Variants in ELK3 observed in about 807,000 individuals in gnomAD.
The protein encoded by ELK3 is ETS transcription factor ELK3, also known as ETS domain-containing protein Elk-3.
In ELK3, 10 loss-of-function variants were observed where a neutral mutation model predicts 28.9. That is an observed-to-expected ratio of 0.35 (90% confidence interval 0.21 to 0.59). ELK3 has a LOEUF of 0.59. Among genes scored for constraint, ELK3 ranks in the 20% least tolerant of loss-of-function variants. The pLI, the probability that ELK3 is intolerant of heterozygous loss-of-function variation, is 0.82. For synonymous variants in ELK3, 272 were observed against 243.5 expected (o/e 1.12, Z -1.09); for missense variants, 463 against 517.3 (o/e 0.90, Z 1.02).
At chr12:96,259,502 C>T (rs142998346) in intron 3 of ELK3, among the ~76,000 whole-genome samples, 1,884 of 152,240 alleles carry the variant, frequency 0.012, 24 homozygotes, top group Non-Finnish European at 0.021. Flanking sequence ...ACCAAGATCG[C>T]GCCATTGCAC....
At chr12:96,228,416 C>CAAAAAAAAAAAAAAAAAA (rs71091236) in intron 2 of ELK3, among the ~76,000 whole-genome samples, 1 of 68,296 alleles carries the variant, frequency 1.5e-5, no homozygotes, top group African/African-American at 5.9e-5. Context: ...GACTCTGTGT[C>CAAAAAAAAAAAAAAAAAA]AAAAAAAAAA....
chr12:96,208,149 C>T (rs1033944397), intron 1 of ELK3, among the ~76,000 whole-genome samples: 3 of 152,026 alleles, frequency 2.0e-5, no homozygotes, highest in African/African-American at 7.2e-5. Context: ...CCTCCCAGCT[C>T]CTAGCGATTC....
At chr12:96,197,917 G>A (rs1951483077) in intron 1 of ELK3, 1 of 152,120 alleles carries the variant, frequency 6.6e-6, no homozygotes, top group Non-Finnish European at 1.5e-5. Flanking sequence ...GGTTTTAAAG[G>A]ACTTCCAGGC....
intron 1 of ELK3, 96 bp from the exon 2 acceptor site, chr12:96,223,469 G>A: frequency 8.6e-7 from 1 of 1,158,402 alleles, no homozygotes; most frequent in Non-Finnish European, 1.3e-6. Flanking sequence ...GGAAGGAGGG[G>A]ACAGCTGAGT....
intron 4 of ELK3, among the ~76,000 whole-genome samples, chr12:96,265,317 G>A (rs1265018914): frequency 2.6e-5 from 4 of 152,100 alleles, no homozygotes; most frequent in Non-Finnish European, 5.9e-5. Flanking sequence ...CAAAACAGAT[G>A]AATACCAAAA....
At chr12:96,216,125 A>G (rs1225961004) in intron 1 of ELK3, among the ~76,000 whole-genome samples, 4 of 152,106 alleles carry the variant, frequency 2.6e-5, no homozygotes, top group African/African-American at 2.4e-5. Context: ...GTAGGGCCCC[A>G]TCTGCAGCGG....
intron 2 of ELK3, among the ~76,000 whole-genome samples, chr12:96,232,026 C>T (rs557478401): frequency 1.3e-5 from 2 of 152,234 alleles, no homozygotes; most frequent in East Asian, 3.9e-4. Context: ...GAGGGAAGGC[C>T]TCCGGAGGTC....
chr12:96,248,759 TC>T (rs1311587462), intron 3 of ELK3, among the ~76,000 whole-genome samples: 10 of 152,138 alleles, frequency 6.6e-5, no homozygotes, highest in Admixed American at 6.5e-5. Context: ...TATGACGGGC[TC>T]CCCACGTGTG....
intron 2 of ELK3, among the ~76,000 whole-genome samples, chr12:96,231,882 T>G (rs1951744481): frequency 1.3e-5 from 2 of 152,046 alleles, no homozygotes; most frequent in African/African-American, 4.8e-5. Context: ...GAAACATACC[T>G]CCTTCCTCCT....
chr12:96,227,202 C>T (rs891138115), intron 2 of ELK3, among the ~76,000 whole-genome samples: 4 of 151,976 alleles, frequency 2.6e-5, no homozygotes, highest in African/African-American at 7.3e-5. Context: ...GTGTCACGTA[C>T]AGCTCGGCCT....
In ELK3 at chr12:96,215,130, C is replaced by T. The variant is rs184137017; in HGVS notation, c.-2-8435C>T. On this transcript the variant is annotated intron_variant, in intron 1 of 4. Coordinates refer to ENST00000228741, the MANE Select transcript of ELK3 (RefSeq NM_005230.4). ...CCTTTTTTTTTTTTTTAAGTTGCCT[C>T]GTTTCTTATTTCCCACCACATAGAA... is the stretch of plus-strand genomic sequence containing the variant. 4.5e-3 allele frequency among the ~76,000 whole-genome samples: 676 copies of T among 148,640 alleles called. 6 individuals are homozygous for T. The highest frequency in any genetic ancestry group is 0.014 in the African/African-American group (547 of 40,232).
chr12:96,237,415 G>GCC (rs11462378), intron 2 of ELK3, among the ~76,000 whole-genome samples: 8 of 151,994 alleles, frequency 5.3e-5, no homozygotes, highest in Non-Finnish European at 8.8e-5. Context: ...AGGTGAGCCT[G>GCC]CCCCCCAGAC....
intron 4 of ELK3, among the ~76,000 whole-genome samples, chr12:96,266,395 CAACT>C (rs1479820662): frequency 2.0e-5 from 3 of 152,106 alleles, no homozygotes; most frequent in Admixed American, 2.0e-4. Context: ...GTTGGGATTG[CAACT>C]AACATATTTG....
intron 1 of ELK3, among the ~76,000 whole-genome samples, chr12:96,197,801 T>C (rs1951482079): frequency 6.6e-6 from 1 of 152,332 alleles, no homozygotes; most frequent in East Asian, 1.9e-4. Flanking sequence ...ATATAAAAAA[T>C]TAAATAAGTC....
intron 2 of ELK3, among the ~76,000 whole-genome samples, chr12:96,245,424 G>GT (rs1412103233): frequency 1.3e-5 from 2 of 152,142 alleles, no homozygotes; most frequent in Non-Finnish European, 2.9e-5. Flanking sequence ...CTGGGATCTT[G>GT]TTTGTGTCAG....
At position 96,267,207 on chromosome 12, in the gene ELK3, A is replaced by G. The variant is rs75958097; in HGVS notation, c.*27A>G. The G allele has an allele frequency of 0.018, 29,191 of 1,594,728 alleles. 346 individuals carry two copies. Among genetic ancestry groups the G allele is most frequent in the Non-Finnish European group, 0.022 (25,798 of 1,169,118 alleles). On this transcript the variant is annotated 3_prime_UTR_variant, in exon 5 of 5. Coordinates refer to ENST00000228741, the MANE Select transcript of ELK3 (RefSeq NM_005230.4). ...GACGTCTGGCCACAATTAAGGACTC[A>G]TTAACTGATGAAACAAATTTGTCCC...
chr12:96,200,209 T>C (rs1177190714), intron 1 of ELK3, among the ~76,000 whole-genome samples: 1 of 152,186 alleles, frequency 6.6e-6, no homozygotes, highest in Non-Finnish European at 1.5e-5. Context: ...ATCCATTATC[T>C]TCCTTCTAGT....
chr12:96,210,597 A>ACCCCCCCCC (rs1555193042), intron 1 of ELK3, among the ~76,000 whole-genome samples: 22 of 149,058 alleles, frequency 1.5e-4, no homozygotes, highest in Non-Finnish European at 2.4e-4. Flanking sequence ...ACACACACAC[A>ACCCCCCCCC]CCCCGAGTGG....
intron 2 of ELK3, among the ~76,000 whole-genome samples, chr12:96,246,481 G>A (rs1951856078): frequency 6.6e-6 from 1 of 152,140 alleles, no homozygotes; most frequent in Non-Finnish European, 1.5e-5. Flanking sequence ...CAAGTGAGAT[G>A]CTGTCTCCAC....
Sources: allele counts gnomAD v4.1 joint callset (sites outside exome capture counted in the v4.1 genomes callset), GRCh38; gene constraint gnomAD v4.1.1; transcripts MANE v1.5; gene names NCBI Gene and HGNC (gene_info 2026-07-23, HGNC 2026-07-21).